The following NBEA variants were observed in gnomAD, a reference collection of about 807,000 sequenced individuals.
NBEA encodes the protein neurobeachin.
A neutral mutation model predicts 343.4 loss-of-function variants in NBEA; 44 were observed. That is an observed-to-expected ratio of 0.13 (90% confidence interval 0.10 to 0.16). The LOEUF (loss-of-function observed/expected upper bound fraction) is 0.16. Among genes scored for constraint, NBEA ranks in the 10% least tolerant of loss-of-function variants. The pLI is 1.00. For synonymous variants in NBEA, 1,175 were observed against 1,238.7 expected, an observed-to-expected ratio of 0.95 and a Z score of 1.08; for missense variants, 2,555 against 3,631.3, an observed-to-expected ratio of 0.70 and a Z score of 7.62.
chr13:35,078,954 G>A (rs147113003), intron 10 of NBEA, among the ~76,000 whole-genome samples: 4,467 of 152,094 alleles, frequency 0.029, 102 homozygotes, highest in Non-Finnish European at 0.045. Context: ...CCCGGGAGGC[G>A]GAGGTTGCAG....
At chr13:35,245,734 G>T (rs1232024175) in intron 34 of NBEA, among the ~76,000 whole-genome samples, 1 of 152,044 alleles carries the variant, frequency 6.6e-6, no homozygotes, top group African/African-American at 2.4e-5. Flanking sequence ...CCTTTGCCTT[G>T]ACTTTAGGTA....
chr13:35,463,453 TC>T (rs1386878506), intron 40 of NBEA, among the ~76,000 whole-genome samples: 1 of 151,926 alleles, frequency 6.6e-6, no homozygotes, highest in Non-Finnish European at 1.5e-5. Flanking sequence ...TGAAACCCCA[TC>T]CGTACGAAAA....
chr13:35,025,954 T>G (rs1353246912), intron 1 of NBEA, among the ~76,000 whole-genome samples: 2 of 152,088 alleles, frequency 1.3e-5, no homozygotes, highest in African/African-American at 4.8e-5. Flanking sequence ...CAAATTCTTT[T>G]GCATTTTGAT....
intron 55 of NBEA, among the ~76,000 whole-genome samples, chr13:35,664,019 C>A (rs1167985125): frequency 6.6e-6 from 1 of 152,098 alleles, no homozygotes; most frequent in Non-Finnish European, 1.5e-5. Flanking sequence ...GGGCTCTTGG[C>A]CGACCAGAGT....
chr13:34,993,183 T>C (rs938436357), intron 1 of NBEA, among the ~76,000 whole-genome samples: 1 of 152,214 alleles, frequency 6.6e-6, no homozygotes, highest in East Asian at 1.9e-4. Flanking sequence ...TTTCTCCTCT[T>C]CATTTCTCGT....
intron 55 of NBEA, among the ~76,000 whole-genome samples, chr13:35,657,259 A>G (rs1222354806): frequency 6.6e-6 from 1 of 152,230 alleles, no homozygotes; most frequent in Non-Finnish European, 1.5e-5. Context: ...TGTGTTGTAA[A>G]ATAGCATATG....
At chr13:35,395,979 A>G (rs2042725762) in intron 38 of NBEA, among the ~76,000 whole-genome samples, 2 of 152,126 alleles carry the variant, frequency 1.3e-5, no homozygotes, top group African/African-American at 2.4e-5. Flanking sequence ...CTTATTATTT[A>G]TATGCTTTTC....
intron 1 of NBEA, among the ~76,000 whole-genome samples, chr13:35,011,354 T>C (rs1334048421): frequency 6.6e-6 from 1 of 152,182 alleles, no homozygotes; most frequent in Non-Finnish European, 1.5e-5. Flanking sequence ...CCTTCTCATC[T>C]ATAAATTGAG....
At chr13:35,322,031 G>GCT (rs2152841154) in intron 36 of NBEA, among the ~76,000 whole-genome samples, 1 of 152,260 alleles carries the variant, frequency 6.6e-6, no homozygotes, top group Admixed American at 6.5e-5. Context: ...AGCTTGCTGA[G>GCT]CTCTGTTGGG....
intron 31 of NBEA, among the ~76,000 whole-genome samples, chr13:35,199,011 C>T (rs909378983): frequency 1.3e-5 from 2 of 151,970 alleles, no homozygotes; most frequent in African/African-American, 4.8e-5. Flanking sequence ...TTGTTTGCCA[C>T]CTGCCAGCAA....
chr13:35,075,829 A>T (rs1380286514), intron 10 of NBEA, among the ~76,000 whole-genome samples: 1 of 152,056 alleles, frequency 6.6e-6, no homozygotes, highest in Non-Finnish European at 1.5e-5. Context: ...ATTACCTGGA[A>T]AATTTAAATA....
chr13:35,069,117 G>A (rs1307949907), intron 8 of NBEA, among the ~76,000 whole-genome samples: 4 of 152,118 alleles, frequency 2.6e-5, no homozygotes, highest in African/African-American at 9.7e-5. Flanking sequence ...TGAATATGGA[G>A]TATAAATCAG....
intron 38 of NBEA, among the ~76,000 whole-genome samples, chr13:35,380,598 TAAAG>T (rs376563245): frequency 9.8e-5 from 15 of 152,324 alleles, no homozygotes; most frequent in South Asian, 6.2e-4. Flanking sequence ...TTGAGACTGA[TAAAG>T]AATTTGTTTT....
rs977921474 is a variant in NBEA, at chr13:35,208,804, A to C, written c.5471A>C (p.Asn1824Thr). The change falls in exon 32 of 59, where the codon AAT becomes ACT. Residue 1824 changes from asparagine (N) to threonine (T), a missense_variant. Physicochemically the swap from Asn to Thr is moderately conservative, Grantham distance 65. This residue lies in a region of NBEA where 270 missense variants were observed against 293.3 expected (regional missense o/e 0.92). Coordinates refer to ENST00000379939, the MANE Select transcript of NBEA (RefSeq NM_001385012.1). ...GSGLPTGSTS[N>T]IFAATGATPK... Reference sequence around the variant, plus strand: ...GGGCTGCCAACAGGCAGTACCTCTAATATATTTGCTGCTACTGGAGCTACA... The same window carrying C: ...GGGCTGCCAACAGGCAGTACCTCTACTATATTTGCTGCTACTGGAGCTACA... 6.2e-7 allele frequency: 1 copy of C among 1,609,606 alleles called. No individual in the cohort carries two copies. Among genetic ancestry groups the C allele is most frequent in the African/African-American group, 1.3e-5 (1 of 74,840 alleles).
intron 34 of NBEA, among the ~76,000 whole-genome samples, chr13:35,289,767 T>C (rs1362110334): frequency 6.6e-6 from 1 of 151,890 alleles, no homozygotes; most frequent in Non-Finnish European, 1.5e-5. Context: ...CATTATTACA[T>C]AGACATTATT....
intron 41 of NBEA, among the ~76,000 whole-genome samples, chr13:35,541,852 A>G (rs2078843005): frequency 6.6e-6 from 1 of 151,976 alleles, no homozygotes; most frequent in African/African-American, 2.4e-5. Context: ...TGTGCCAGGC[A>G]CTGTGCTGAG....
intron 38 of NBEA, among the ~76,000 whole-genome samples, chr13:35,418,301 TG>T (rs1442244386): frequency 2.6e-5 from 4 of 151,656 alleles, no homozygotes; most frequent in Middle Eastern, 3.4e-3. Flanking sequence ...TATTTTCTAT[TG>T]TTTTTTCTAT....
chr13:35,063,627 A>G (rs942183450), intron 8 of NBEA, among the ~76,000 whole-genome samples: 1 of 151,982 alleles, frequency 6.6e-6, no homozygotes, highest in Non-Finnish European at 1.5e-5. Context: ...AGTGAGAGGA[A>G]CAGCCATTGA....
At chr13:34,957,931 A>G (rs2059550372) in intron 1 of NBEA, among the ~76,000 whole-genome samples, 1 of 151,990 alleles carries the variant, frequency 6.6e-6, no homozygotes, top group African/African-American at 2.4e-5. Flanking sequence ...TATACTATCC[A>G]GTGTGGAAGC....
Sources: allele counts gnomAD v4.1 joint callset (sites outside exome capture counted in the v4.1 genomes callset), GRCh38; gene constraint gnomAD v4.1.1; regional missense constraint gnomAD v4.1.1; transcripts MANE v1.5; gene names NCBI Gene and HGNC (gene_info 2026-07-23, HGNC 2026-07-21).